Variants in FBXL7 observed in about 807,000 individuals in gnomAD.
FBXL7 encodes F-box and leucine rich repeat protein 7.
FBXL7 carries 12 observed loss-of-function variants against 38.3 expected under a neutral mutation model. The ratio of observed to expected loss-of-function variants is 0.31; its 90% CI spans 0.20 to 0.51. The LOEUF is 0.51. Among genes scored for constraint, FBXL7 ranks in the 20% least tolerant of loss-of-function variants. The pLI is 0.98. For synonymous variants in FBXL7, 297 were observed against 300.9 expected (o/e 0.99, Z 0.13); for missense variants, 567 against 676.4 (o/e 0.84, Z 1.79).
intron 2 of FBXL7, among the ~76,000 whole-genome samples, chr5:15,890,688 G>A (rs1375877098): frequency 1.3e-5 from 2 of 152,140 alleles, no homozygotes; most frequent in Non-Finnish European, 2.9e-5. Flanking sequence ...CTCCCTGCAT[G>A]TGTGAAAAAA....
At chr5:15,746,230 A>C (rs985353666) in intron 2 of FBXL7, among the ~76,000 whole-genome samples, 2 of 152,212 alleles carry the variant, frequency 1.3e-5, no homozygotes, top group East Asian at 1.9e-4. Context: ...GACTACTTCT[A>C]GACATGTTAC....
In FBXL7 at chr5:15,702,745, C is replaced by T. The variant is rs185139703; in HGVS notation, c.127+86673C>T. Reference sequence around the variant, plus strand: ...TTGAGAAAATACTTTCTTTCATGCGCGTCCATGTGAAGAGACCACCAAACA... The same window carrying T: ...TTGAGAAAATACTTTCTTTCATGCGTGTCCATGTGAAGAGACCACCAAACA... On this transcript the variant is annotated intron_variant, in intron 2 of 3. Transcript: ENST00000504595. 1.2e-4 allele frequency among the ~76,000 whole-genome samples: 18 copies of T among 152,192 alleles called. No homozygotes were observed. The East Asian group carries it at 2.7e-3, about 23-fold the overall frequency.
At chr5:15,808,693 T>A (rs1382811062) in intron 2 of FBXL7, among the ~76,000 whole-genome samples, 1 of 152,192 alleles carries the variant, frequency 6.6e-6, no homozygotes. Flanking sequence ...CTTTTGAGTT[T>A]CCCTTTCAAG....
chr5:15,829,620 G>A (rs1273775991), intron 2 of FBXL7, among the ~76,000 whole-genome samples: 4 of 152,074 alleles, frequency 2.6e-5, no homozygotes, highest in East Asian at 1.9e-4. Flanking sequence ...AAAATCATAC[G>A]CAATTATTTT....
chr5:15,819,813 C>T lies in FBXL7; in HGVS notation c.128-108077C>T, dbSNP rs187044531. ...ACAAGCCCTGTCTGAGTTCTAATGC[C>T]GGAAAGGAAACCTTCAGAGAGAATA... On this transcript the variant is annotated intron_variant, in intron 2 of 3. Transcript: ENST00000504595. 4.3e-4 allele frequency among the ~76,000 whole-genome samples: 66 copies of T among 152,204 alleles called. 1 individual carries two copies. The highest frequency in any genetic ancestry group is 1.4e-3 in the African/African-American group (59 of 41,536).
At chr5:15,719,352 T>G (rs1579404925) in intron 2 of FBXL7, among the ~76,000 whole-genome samples, 1 of 150,030 alleles carries the variant, frequency 6.7e-6, no homozygotes, top group East Asian at 1.9e-4. Flanking sequence ...TGAATATCAT[T>G]TAATGAGCAT....
At chr5:15,669,153 G>T (rs1198274317) in intron 2 of FBXL7, among the ~76,000 whole-genome samples, 1 of 152,158 alleles carries the variant, frequency 6.6e-6, no homozygotes, top group Non-Finnish European at 1.5e-5. Flanking sequence ...ATATTGAGCA[G>T]ATGGTAACTA....
rs189916504 is a variant in FBXL7, at chr5:15,633,836, A to T, written c.127+17764A>T. ...GCTCTTGTCTCTCAGGCTGGAGTGC[A>T]GTGGCACGATCTCGGCTCACTACAA... On this transcript the variant is annotated intron_variant, in intron 2 of 3. Transcript: ENST00000504595. 2.0e-5 allele frequency among the ~76,000 whole-genome samples: 3 copies of T among 151,314 alleles called. No individual in the cohort carries two copies. The East Asian group carries it at 5.8e-4, about 29-fold the overall frequency.
At chr5:15,678,317 C>T (rs979421929) in intron 2 of FBXL7, among the ~76,000 whole-genome samples, 21 of 152,132 alleles carry the variant, frequency 1.4e-4, no homozygotes, top group African/African-American at 1.9e-4. Context: ...GCTTGGGATT[C>T]GGTGATACTG....
intron 1 of FBXL7, among the ~76,000 whole-genome samples, chr5:15,517,184 G>C (rs1366608643): frequency 6.6e-6 from 1 of 152,004 alleles, no homozygotes; most frequent in Non-Finnish European, 1.5e-5. Flanking sequence ...CCGCCACCAT[G>C]TCCGGCTAAC....
chr5:15,560,840 A>G (rs561901905), intron 1 of FBXL7, among the ~76,000 whole-genome samples: 5 of 152,128 alleles, frequency 3.3e-5, no homozygotes, highest in Non-Finnish European at 2.9e-5. Flanking sequence ...TTACATATGT[A>G]TTATAATATT....
At chr5:15,679,080 G>C (rs1416969658) in intron 2 of FBXL7, among the ~76,000 whole-genome samples, 2 of 152,150 alleles carry the variant, frequency 1.3e-5, no homozygotes, top group African/African-American at 4.8e-5. Flanking sequence ...AAATTGCATT[G>C]TCTCTTTCAA....
intron 2 of FBXL7, among the ~76,000 whole-genome samples, chr5:15,880,846 GTGTAGTATGCTC>G (rs1740422374): frequency 6.6e-6 from 1 of 150,946 alleles, no homozygotes; most frequent in African/African-American, 2.4e-5. Flanking sequence ...ACTGTAGTAA[GTGTAGTATGCTC>G]TGTAGTATGC....
chr5:15,788,247 G>T (rs1228689964), intron 2 of FBXL7, among the ~76,000 whole-genome samples: 2 of 152,266 alleles, frequency 1.3e-5, no homozygotes, highest in East Asian at 3.9e-4. Flanking sequence ...GTCGCATCCT[G>T]AGGCTCTGGG....
chr5:15,779,549 C>G (rs1291013239), intron 2 of FBXL7, among the ~76,000 whole-genome samples: 2 of 152,024 alleles, frequency 1.3e-5, no homozygotes, highest in African/African-American at 4.8e-5. Context: ...TATCTTGTCT[C>G]CAAGAGGTGA....
intron 2 of FBXL7, among the ~76,000 whole-genome samples, chr5:15,896,608 C>T (rs544052798): frequency 6.6e-6 from 1 of 152,132 alleles, no homozygotes; most frequent in Non-Finnish European, 1.5e-5. Context: ...GCCAGTTCCT[C>T]CTTCCTCTGC....
At chr5:15,626,745 C>T (rs1740834186) in intron 2 of FBXL7, among the ~76,000 whole-genome samples, 1 of 151,824 alleles carries the variant, frequency 6.6e-6, no homozygotes, top group Non-Finnish European at 1.5e-5. Flanking sequence ...TTGCCATTTC[C>T]AAAAAAAGCA....
At chr5:15,873,215 G>A (rs1012182000) in intron 2 of FBXL7, among the ~76,000 whole-genome samples, 1 of 152,156 alleles carries the variant, frequency 6.6e-6, no homozygotes, top group African/African-American at 2.4e-5. Context: ...TGAAACCAAT[G>A]AGAACAAAGA....
chr5:15,502,998 TGA>T (rs978740372), intron 1 of FBXL7, among the ~76,000 whole-genome samples: 7 of 152,146 alleles, frequency 4.6e-5, no homozygotes, highest in African/African-American at 1.7e-4. Flanking sequence ...TAAAATACAG[TGA>T]GAGATTTATT....
Sources: gnomAD v4.1 joint callset for allele counts (sites outside exome capture counted in the v4.1 genomes callset) on GRCh38, gnomAD v4.1.1 for gene constraint, MANE v1.5 for transcripts, NCBI Gene and HGNC (gene_info 2026-07-23, HGNC 2026-07-21) for gene names.